ARHGAP12: variants seen among roughly 807,000 people sequenced by gnomAD.
The protein encoded by ARHGAP12 is rho GTPase-activating protein 12.
ARHGAP12 carries 64 observed loss-of-function variants against 108.6 expected under a neutral mutation model. That is an observed-to-expected ratio of 0.59 (90% CI 0.48 to 0.73). ARHGAP12 has a LOEUF of 0.73. Ranked by LOEUF, ARHGAP12 falls within the 30% of genes least tolerant of loss-of-function variation. The pLI, the probability that ARHGAP12 is intolerant of heterozygous loss-of-function variation, is 0.00. For synonymous variants in ARHGAP12, 312 were observed against 337.2 expected, an observed-to-expected ratio of 0.93 and a Z score of 0.82; for missense variants, 940 against 1,005.9, an observed-to-expected ratio of 0.93 and a Z score of 0.89.
chr10:31,838,783 A>G (rs936155791), intron 9 of ARHGAP12, among the ~76,000 whole-genome samples: 1 of 150,256 alleles, frequency 6.7e-6, no homozygotes, highest in Non-Finnish European at 1.5e-5. Flanking sequence ...GTTAGCCGAG[A>G]TCATGCCATT....
In ARHGAP12 at chr10:31,807,554, A is replaced by G; in HGVS notation, c.*104T>C. On this transcript the variant is annotated 3_prime_UTR_variant, in exon 20 of 20. Coordinates refer to ENST00000344936, the MANE Select transcript of ARHGAP12 (RefSeq NM_018287.7). ...TGATCCCTCAAAAAAAAAGTGCAAA[A>G]TCAAAGAGTCACTGCTTGGTCCAAA... 1 of 1,230,198 alleles carries G rather than the reference A, an allele frequency of 8.1e-7. No individual in the cohort carries two copies. The highest frequency in any genetic ancestry group is 1.1e-6 in the Non-Finnish European group (1 of 910,498). 76.2% of individuals were successfully genotyped at this position (1,230,198 alleles called of 1,614,324 possible).
intron 3 of ARHGAP12, among the ~76,000 whole-genome samples, chr10:31,901,228 G>A (rs867804715): frequency 9.7e-5 from 14 of 144,032 alleles, no homozygotes; most frequent in Middle Eastern, 3.7e-3. Context: ...AAAAAAAAAA[G>A]AGAAGAAAAG....
At chr10:31,928,573 T>TCC (rs1049851727) in intron 1 of ARHGAP12, 110 bp downstream of exon 1, 1 of 149,226 alleles carries the variant, frequency 6.7e-6, no homozygotes, top group African/African-American at 2.5e-5. Flanking sequence ...CGCACACGCC[T>TCC]CCCCCCGACT....
At chr10:31,875,284 A>C (rs891833783) in intron 3 of ARHGAP12, among the ~76,000 whole-genome samples, 3 of 152,206 alleles carry the variant, frequency 2.0e-5, no homozygotes, top group African/African-American at 7.2e-5. Flanking sequence ...CAGAACACTT[A>C]TGATACCCAT....
chr10:31,822,931 G>A (rs1251000694), intron 11 of ARHGAP12, among the ~76,000 whole-genome samples: 2 of 152,064 alleles, frequency 1.3e-5, no homozygotes, highest in South Asian at 2.1e-4. Context: ...CAGCCCCACC[G>A]ACAACAAATA....
intron 4 of ARHGAP12, among the ~76,000 whole-genome samples, chr10:31,856,657 GAA>G (rs910849009): frequency 2.6e-5 from 4 of 152,168 alleles, no homozygotes; most frequent in African/African-American, 9.7e-5. Flanking sequence ...GCATCCGTCA[GAA>G]GAGACTCACC....
chr10:31,857,506 TG>T (rs1026617787), intron 4 of ARHGAP12, among the ~76,000 whole-genome samples: 2 of 151,900 alleles, frequency 1.3e-5, no homozygotes, highest in Non-Finnish European at 2.9e-5. Context: ...AAAGAGAATA[TG>T]GGGGCGAGCC....
chr10:31,835,829 T>C (rs1835995124), intron 9 of ARHGAP12, among the ~76,000 whole-genome samples: 1 of 152,100 alleles, frequency 6.6e-6, no homozygotes, highest in African/African-American at 2.4e-5. Context: ...AGGCTAGTGG[T>C]TATCAAGGGC....
intron 1 of ARHGAP12, among the ~76,000 whole-genome samples, chr10:31,911,505 G>A (rs1839347566): frequency 6.6e-6 from 1 of 151,926 alleles, no homozygotes; most frequent in Non-Finnish European, 1.5e-5. Context: ...TTAGAGATGA[G>A]GTTCCACCAT....
chr10:31,815,747 C>G (rs556246589), intron 13 of ARHGAP12, among the ~76,000 whole-genome samples: 15 of 152,278 alleles, frequency 9.9e-5, no homozygotes, highest in African/African-American at 2.6e-4. Context: ...CAGTGTCTCT[C>G]AATAAAGAGT....
intron 3 of ARHGAP12, among the ~76,000 whole-genome samples, chr10:31,866,838 A>G (rs916112572): frequency 2.0e-5 from 3 of 152,058 alleles, no homozygotes; most frequent in Non-Finnish European, 4.4e-5. Flanking sequence ...GGCTGGTCTC[A>G]AACTCCTGAC....
At chr10:31,865,721 A>G (rs1359356867) in intron 3 of ARHGAP12, among the ~76,000 whole-genome samples, 1 of 151,540 alleles carries the variant, frequency 6.6e-6, no homozygotes, top group Non-Finnish European at 1.5e-5. Flanking sequence ...TAAAAATACA[A>G]AAAAAAATTA....
rs1834869073 is a variant in ARHGAP12 at position 31,807,722 on chromosome 10, G to C, written c.2477C>G (p.Thr826Ser). 1 of 1,609,270 alleles carries C rather than the reference G, an allele frequency of 6.2e-7. No homozygotes were observed. The highest frequency in any genetic ancestry group is 8.5e-7 in the Non-Finnish European group (1 of 1,178,358). The change falls in exon 20 of 20, where the codon ACT becomes AGT. Residue 826 changes from threonine (T) to serine (S), a missense_variant. Coordinates refer to ENST00000344936, the MANE Select transcript of ARHGAP12 (RefSeq NM_018287.7). The part of the protein sequence containing the change: ...EKETGNIAVH[T>S]VYQNQIVELI... ...TTCTACAATCTGATTCTGGTACACA[G>C]TATGAACTGCTATATTACCAGTCTC...
intron 3 of ARHGAP12, among the ~76,000 whole-genome samples, chr10:31,894,955 A>T (rs1343044605): frequency 6.6e-6 from 1 of 152,214 alleles, no homozygotes; most frequent in Non-Finnish European, 1.5e-5. Flanking sequence ...CACATCTACA[A>T]CTATCTAATC....
At chr10:31,889,619 GTTTT>G (rs869116452) in intron 3 of ARHGAP12, among the ~76,000 whole-genome samples, 60 of 66,438 alleles carry the variant, frequency 9.0e-4, no homozygotes, top group African/African-American at 3.3e-3. Context: ...AATTTTTCTC[GTTTT>G]TTTTTTTTTT....
intron 3 of ARHGAP12, among the ~76,000 whole-genome samples, chr10:31,887,651 TTTTTTTTTTG>T (rs1564412592): frequency 1.5e-5 from 2 of 137,718 alleles, no homozygotes; most frequent in East Asian, 4.2e-4. Flanking sequence ...GCCCTTCCTG[TTTTTTTTTTG>T]TTTTTTTTTT....
At chr10:31,846,192 T>A (rs1192749137) in intron 6 of ARHGAP12, among the ~76,000 whole-genome samples, 3 of 152,228 alleles carry the variant, frequency 2.0e-5, no homozygotes, top group Non-Finnish European at 4.4e-5. Context: ...GAAACAGTTG[T>A]CTTAAATATC....
intron 10 of ARHGAP12, 41 bp downstream of exon 10, chr10:31,831,698 C>G (rs2808101): frequency 7.4e-7 from 1 of 1,344,728 alleles, no homozygotes; most frequent in Admixed American, 2.1e-5. Flanking sequence ...TAATTTATTT[C>G]AGATGAATCA....
At chr10:31,840,712 T>C (rs367855572) in intron 7 of ARHGAP12, among the ~76,000 whole-genome samples, 1 of 152,100 alleles carries the variant, frequency 6.6e-6, no homozygotes, top group African/African-American at 2.4e-5. Context: ...GCAAAAAAAC[T>C]ATTAACTCAA....
Sources: gnomAD v4.1 joint callset for allele counts (sites outside exome capture counted in the v4.1 genomes callset) on GRCh38, gnomAD v4.1.1 for gene constraint, MANE v1.5 for transcripts, NCBI Gene and HGNC (gene_info 2026-07-23, HGNC 2026-07-21) for gene names.